Variants in REDIC1 observed in about 807,000 individuals in gnomAD.
The protein encoded by REDIC1 is HEI10 Interacting Protein 1.
the REDIC1 span, chr12:39,640,864 T>C: frequency 1.2e-6 from 1 of 844,444 alleles, no homozygotes; most frequent in African/African-American, 1.7e-5. Flanking sequence ...TTTTAGATTT[T>C]AACTCTAAAT....
chr12:39,839,322 T>C, the REDIC1 span, among the ~76,000 whole-genome samples: 1 of 152,026 alleles, frequency 6.6e-6, no homozygotes, highest in East Asian at 1.9e-4. Flanking sequence ...TCGGTTGATT[T>C]CCTCTCCCTG....
the REDIC1 span, chr12:39,626,238 A>G: frequency 1.5e-6 from 2 of 1,364,684 alleles, no homozygotes; most frequent in African/African-American, 2.9e-5. Flanking sequence ...TGACGTTGTC[A>G]GGAGGCCCTG....
the REDIC1 span, among the ~76,000 whole-genome samples, chr12:39,778,699 C>T: frequency 2.0e-5 from 3 of 152,150 alleles, no homozygotes; most frequent in Non-Finnish European, 4.4e-5. Flanking sequence ...TTCATTTCTT[C>T]ACTCATTTAT....
chr12:39,701,682 C>G, the REDIC1 span, among the ~76,000 whole-genome samples: 9 of 152,076 alleles, frequency 5.9e-5, no homozygotes, highest in East Asian at 5.8e-4. Flanking sequence ...TGACCACATA[C>G]TTGGAAGTAA....
the REDIC1 span, among the ~76,000 whole-genome samples, chr12:39,812,432 T>TC: frequency 6.6e-6 from 1 of 150,382 alleles, no homozygotes; most frequent in Non-Finnish European, 1.5e-5. Context: ...CTGCCTTCCT[T>TC]CCTTTTCTTT....
chr12:39,891,188 G>A, the REDIC1 span, among the ~76,000 whole-genome samples: 6 of 149,566 alleles, frequency 4.0e-5, no homozygotes, highest in South Asian at 2.2e-4. Context: ...ACCTTCACCA[G>A]CTCTGCCCCA....
At chr12:39,840,513 G>T in the REDIC1 span, among the ~76,000 whole-genome samples, 2,787 of 151,982 alleles carry the variant, frequency 0.018, 89 homozygotes, top group African/African-American at 0.063. Context: ...AGGTGCCGTG[G>T]GTGCTAGCCA....
the REDIC1 span, among the ~76,000 whole-genome samples, chr12:39,826,274 A>G: frequency 2.0e-5 from 3 of 151,744 alleles, no homozygotes; most frequent in Admixed American, 2.0e-4. Flanking sequence ...TTGACTTAGT[A>G]CTTATCTAAT....
At chr12:39,641,799 T>C in the REDIC1 span, among the ~76,000 whole-genome samples, 1 of 151,356 alleles carries the variant, frequency 6.6e-6, no homozygotes, top group Non-Finnish European at 1.5e-5. Context: ...AACAATGGAG[T>C]GATATTATAA....
chr12:39,698,309 A>T, the REDIC1 span, among the ~76,000 whole-genome samples: 1 of 152,324 alleles, frequency 6.6e-6, no homozygotes, highest in African/African-American at 2.4e-5. Context: ...TTTTAAATAT[A>T]TATGCACCCA....
the REDIC1 span, among the ~76,000 whole-genome samples, chr12:39,637,488 T>G: frequency 6.6e-6 from 1 of 152,076 alleles, no homozygotes; most frequent in Non-Finnish European, 1.5e-5. Context: ...TTTAGTTTGG[T>G]TGAGTGTTGT....
the REDIC1 span, among the ~76,000 whole-genome samples, chr12:39,698,605 G>T: frequency 1.3e-5 from 2 of 152,048 alleles, no homozygotes; most frequent in Non-Finnish European, 2.9e-5. Flanking sequence ...AACAAAACAA[G>T]TCTTAAAACA....
the REDIC1 span, chr12:39,626,460 G>T: frequency 7.0e-7 from 1 of 1,428,896 alleles, no homozygotes; most frequent in East Asian, 2.3e-5. Context: ...GAAAGAACTT[G>T]GTAGGAAAGG....
chr12:39,634,227 C>A, the REDIC1 span, among the ~76,000 whole-genome samples: 2 of 152,158 alleles, frequency 1.3e-5, no homozygotes, highest in Non-Finnish European at 2.9e-5. Flanking sequence ...ATTTGGCTCT[C>A]TGTTTGTCTA....
the REDIC1 span, among the ~76,000 whole-genome samples, chr12:39,849,359 A>C: frequency 6.6e-6 from 1 of 152,224 alleles, no homozygotes; most frequent in East Asian, 1.9e-4. Flanking sequence ...AAGGTGACCT[A>C]AAAGTCTCAG....
At chr12:39,837,898 G>T in the REDIC1 span, among the ~76,000 whole-genome samples, 1 of 151,024 alleles carries the variant, frequency 6.6e-6, no homozygotes, top group Admixed American at 6.6e-5. Context: ...TGGTGGGACT[G>T]TAAACTAGTT....
At chr12:39,711,767 G>GTATACACATGCA in the REDIC1 span, among the ~76,000 whole-genome samples, 1 of 134,946 alleles carries the variant, frequency 7.4e-6, no homozygotes, top group African/African-American at 2.7e-5. Flanking sequence ...GTGTATGTGT[G>GTATACACATGCA]TGTGCACATG....
At chr12:39,787,564 T>C in the REDIC1 span, among the ~76,000 whole-genome samples, 3 of 152,314 alleles carry the variant, frequency 2.0e-5, 1 homozygote, top group South Asian at 6.2e-4. Context: ...CACATTTTGA[T>C]ATACTTTTTT....
At chr12:39,753,706 A>C in the REDIC1 span, among the ~76,000 whole-genome samples, 2 of 152,204 alleles carry the variant, frequency 1.3e-5, no homozygotes, top group Non-Finnish European at 2.9e-5. Flanking sequence ...CATCAGGGAT[A>C]GGATATGGAT....
Sources: allele counts gnomAD v4.1 joint callset (sites outside exome capture counted in the v4.1 genomes callset), GRCh38; gene constraint gnomAD v4.1.1; transcripts MANE v1.5; gene names NCBI Gene and HGNC (gene_info 2026-07-23, HGNC 2026-07-21).